NXPE2: variants seen among roughly 807,000 people sequenced by gnomAD.
NXPE2 encodes NXPE family member 2.
Under a neutral mutation model 34.4 loss-of-function variants are expected in NXPE2, and 34 were observed. That is an observed-to-expected ratio of 0.99 (90% confidence interval 0.75 to 1.31). The LOEUF is 1.31. NXPE2 is among the 40% of genes most tolerant of loss of function. The pLI is 0.00. For missense variants in NXPE2, 649 were observed against 672.5 expected, an observed-to-expected ratio of 0.97 and a Z score of 0.39; for synonymous variants, 235 against 231.3, an observed-to-expected ratio of 1.02 and a Z score of -0.15.
chr11:114,736,301 G>T, the NXPE2 span, among the ~76,000 whole-genome samples: 1 of 152,128 alleles, frequency 6.6e-6, no homozygotes, highest in East Asian at 1.9e-4. Flanking sequence ...GGAGACTGGG[G>T]CTTATTTCAT....
the NXPE2 span, among the ~76,000 whole-genome samples, chr11:114,527,603 A>G: frequency 1.3e-5 from 2 of 152,206 alleles, no homozygotes; most frequent in African/African-American, 4.8e-5. Flanking sequence ...ATGAACTCTC[A>G]GGTTTAAACA....
the NXPE2 span, among the ~76,000 whole-genome samples, chr11:114,735,874 G>A: frequency 2.0e-5 from 3 of 152,206 alleles, no homozygotes; most frequent in East Asian, 3.9e-4. Flanking sequence ...ATTCACCCCC[G>A]ATATTTCACA....
upstream of NXPE2, among the ~76,000 whole-genome samples, chr11:114,675,561 T>TA (rs1012053224): frequency 7.9e-5 from 12 of 151,436 alleles, no homozygotes; most frequent in South Asian, 8.3e-4. Context: ...TAATATAGCA[T>TA]AAAAAAAACC....
At chr11:114,568,771 T>A in the NXPE2 span, among the ~76,000 whole-genome samples, 4 of 152,180 alleles carry the variant, frequency 2.6e-5, no homozygotes, top group African/African-American at 9.6e-5. Flanking sequence ...GTCACCTCCA[T>A]CACCACCATG....
the NXPE2 span, chr11:114,527,899 G>T: frequency 6.5e-7 from 1 of 1,547,958 alleles, no homozygotes; most frequent in Non-Finnish European, 8.6e-7. Context: ...TCCCACTTTG[G>T]ACCTTCAAAA....
chr11:114,810,994 AC>A, the NXPE2 span, among the ~76,000 whole-genome samples: 1 of 152,182 alleles, frequency 6.6e-6, no homozygotes, highest in East Asian at 1.9e-4. Flanking sequence ...ACCATGGAAT[AC>A]TATGCAGCCA....
At chr11:114,798,952 C>T in the NXPE2 span, among the ~76,000 whole-genome samples, 1 of 152,216 alleles carries the variant, frequency 6.6e-6, no homozygotes, top group African/African-American at 2.4e-5. Flanking sequence ...TTTCTCCACA[C>T]TGTCGTATAG....
chr11:114,497,636 A>G, the NXPE2 span, among the ~76,000 whole-genome samples: 1 of 152,224 alleles, frequency 6.6e-6, no homozygotes, highest in Non-Finnish European at 1.5e-5. Context: ...GTGGTAGGCT[A>G]TGCCATCTAG....
upstream of NXPE2, chr11:114,678,363 C>A: frequency 2.2e-6 from 1 of 449,690 alleles, no homozygotes; most frequent in Non-Finnish European, 4.0e-6. Context: ...TTCCTCATGG[C>A]TTTTTCCTTC....
chr11:114,784,811 G>A, the NXPE2 span, among the ~76,000 whole-genome samples: 1 of 152,088 alleles, frequency 6.6e-6, no homozygotes, highest in Non-Finnish European at 1.5e-5. Context: ...TTGTAGACCT[G>A]CACATTAAAA....
chr11:114,633,570 G>A, the NXPE2 span, among the ~76,000 whole-genome samples: 3 of 151,136 alleles, frequency 2.0e-5, no homozygotes, highest in Admixed American at 6.6e-5. Flanking sequence ...CCATTGACTC[G>A]TCATTTAGCA....
At chr11:114,763,979 A>G in the NXPE2 span, among the ~76,000 whole-genome samples, 6 of 152,090 alleles carry the variant, frequency 3.9e-5, no homozygotes, top group Non-Finnish European at 8.8e-5. Context: ...GCTTTTCATC[A>G]TCAACGTCAT....
At chr11:114,730,854 T>G in the NXPE2 span, among the ~76,000 whole-genome samples, 1 of 152,196 alleles carries the variant, frequency 6.6e-6, no homozygotes, top group African/African-American at 2.4e-5. Flanking sequence ...AGAGGTTGAC[T>G]TCCTATTTTC....
the NXPE2 span, among the ~76,000 whole-genome samples, chr11:114,784,136 C>G: frequency 6.6e-5 from 10 of 152,320 alleles, no homozygotes; most frequent in East Asian, 1.9e-3. Context: ...TGGCTTCTAA[C>G]TACTATGCTA....
chr11:114,483,242 T>A, the NXPE2 span, among the ~76,000 whole-genome samples: 1 of 152,352 alleles, frequency 6.6e-6, no homozygotes, highest in African/African-American at 2.4e-5. Flanking sequence ...ACCCCAGCTC[T>A]GCCACTCGCT....
the NXPE2 span, among the ~76,000 whole-genome samples, chr11:114,557,531 T>A: frequency 1.3e-5 from 2 of 150,964 alleles, no homozygotes; most frequent in Admixed American, 1.3e-4. Flanking sequence ...GCTCAAGTGA[T>A]CCTTCTACCT....
the NXPE2 span, among the ~76,000 whole-genome samples, chr11:114,501,947 T>C: frequency 1.3e-5 from 2 of 152,196 alleles, no homozygotes; most frequent in East Asian, 3.9e-4. Context: ...TAGTCCCTTG[T>C]GAAAAATCTT....
the NXPE2 span, among the ~76,000 whole-genome samples, chr11:114,600,016 A>T: frequency 6.6e-6 from 1 of 152,224 alleles, no homozygotes; most frequent in Non-Finnish European, 1.5e-5. Context: ...GAAGAATTCC[A>T]ACTAACAAAT....
the NXPE2 span, among the ~76,000 whole-genome samples, chr11:114,512,426 A>G: frequency 6.6e-6 from 1 of 152,128 alleles, no homozygotes; most frequent in Non-Finnish European, 1.5e-5. Flanking sequence ...CCAGCAGGAA[A>G]TGGATGTTAG....
Sources: allele counts gnomAD v4.1 joint callset (sites outside exome capture counted in the v4.1 genomes callset), GRCh38; gene constraint gnomAD v4.1.1; transcripts MANE v1.5; gene names NCBI Gene and HGNC (gene_info 2026-07-23, HGNC 2026-07-21).